SLIT3: variants seen among roughly 807,000 people sequenced by gnomAD.
SLIT3 encodes slit homolog 3 protein.
A neutral mutation model predicts 184.0 loss-of-function variants in SLIT3; 68 were observed. That is an observed-to-expected ratio of 0.37 (90% CI 0.30 to 0.45). The LOEUF is 0.45. Ranked by LOEUF, SLIT3 falls within the 20% of genes least tolerant of loss-of-function variation. The probability of loss-of-function intolerance (pLI) is 1.00; values close to 1 mark genes in which losing one functional copy is unlikely to be tolerated. For missense variants in SLIT3, 1,707 were observed against 2,026.0 expected, an observed-to-expected ratio of 0.84 and a Z score of 3.02; for synonymous variants, 831 against 828.6, an observed-to-expected ratio of 1.00 and a Z score of -0.05.
rs377141607 is a variant in SLIT3 at position 168,776,835 on chromosome 5, AT to A, written c.1152-2458del. Among the ~76,000 whole-genome samples, 8 of 151,976 alleles carry A rather than the reference AT, an allele frequency of 5.3e-5. No homozygotes were observed. In the South Asian group the frequency reaches 1.0e-3, roughly 20 times the overall value. On this transcript the variant is annotated intron_variant, in intron 12 of 35. Transcript: ENST00000519560. The stretch of plus-strand genomic sequence containing the variant: ...GACCCTTCACACACACAGTGTTTTG[AT>A]TTTTTTTAAAGTACACACATGGTGA...
intron 12 of SLIT3, among the ~76,000 whole-genome samples, chr5:168,777,659 A>G (rs746988588): frequency 1.2e-4 from 18 of 152,234 alleles, no homozygotes; most frequent in Non-Finnish European, 2.4e-4. Flanking sequence ...AGCAAAAGAA[A>G]ACACAAAAGG....
rs1157475343 is a variant in SLIT3 at position 168,785,889 on chromosome 5, G to A, written c.1151+18C>T. 6.3e-7 allele frequency: 1 copy of A among 1,594,788 alleles called. No homozygotes were observed. The highest frequency in any genetic ancestry group is 8.6e-7 in the Non-Finnish European group (1 of 1,162,752). Reference sequence around the variant, plus strand: ...CGACAGTACCAAAGACACCAACAGTGACAAAGTTCCTACTCACAGCAGCTG... The same window carrying A: ...CGACAGTACCAAAGACACCAACAGTAACAAAGTTCCTACTCACAGCAGCTG... On this transcript the variant is annotated intron_variant, in intron 12 of 35. Coordinates refer to ENST00000519560, the MANE Select transcript of SLIT3 (RefSeq NM_003062.4).
chr5:168,869,407 T>C (rs1415494553), intron 5 of SLIT3, among the ~76,000 whole-genome samples: 2 of 152,180 alleles, frequency 1.3e-5, no homozygotes, highest in African/African-American at 4.8e-5. Context: ...TGGTAATCAC[T>C]AGGTTGTCAC....
At chr5:169,088,195 T>C (rs1352463377) in intron 4 of SLIT3, among the ~76,000 whole-genome samples, 1 of 152,182 alleles carries the variant, frequency 6.6e-6, no homozygotes, top group Non-Finnish European at 1.5e-5. Context: ...CAACTCTATC[T>C]CCTGCAGTGT....
intron 4 of SLIT3, among the ~76,000 whole-genome samples, chr5:169,079,812 G>A (rs1758929411): frequency 4.9e-5 from 1 of 20,502 alleles, no homozygotes; most frequent in Non-Finnish European, 1.2e-4. Flanking sequence ...GAGGGAAGGG[G>A]AAGAGGAGGA....
At chr5:168,696,730 A>G (rs895658373) in intron 27 of SLIT3, among the ~76,000 whole-genome samples, 3 of 152,164 alleles carry the variant, frequency 2.0e-5, no homozygotes, top group Non-Finnish European at 4.4e-5. Flanking sequence ...TCATTCCCCC[A>G]GCTGGAAGTG....
chr5:168,793,647 A>G (rs562308763), intron 10 of SLIT3, among the ~76,000 whole-genome samples: 28 of 152,374 alleles, frequency 1.8e-4, no homozygotes, highest in African/African-American at 6.5e-4. Context: ...ACAGTAAAAC[A>G]TAGTCAAGCT....
intron 4 of SLIT3, among the ~76,000 whole-genome samples, chr5:169,079,136 G>C (rs771777678): frequency 6.6e-6 from 1 of 152,140 alleles, no homozygotes; most frequent in Non-Finnish European, 1.5e-5. Context: ...TCATCCTGCC[G>C]TATCTCAAGG....
At chr5:168,969,662 G>C (rs977481186) in intron 4 of SLIT3, among the ~76,000 whole-genome samples, 1 of 152,174 alleles carries the variant, frequency 6.6e-6, no homozygotes, top group Non-Finnish European at 1.5e-5. Flanking sequence ...GACAGGTTAG[G>C]AGCTGACAGC....
intron 4 of SLIT3, among the ~76,000 whole-genome samples, chr5:168,886,751 G>A (rs1457273370): frequency 6.6e-6 from 1 of 152,150 alleles, no homozygotes; most frequent in East Asian, 1.9e-4. Context: ...CTTGGTTGGG[G>A]AGTAGGGCTA....
At chr5:169,061,470 C>T (rs1244480481) in intron 4 of SLIT3, among the ~76,000 whole-genome samples, 2 of 152,212 alleles carry the variant, frequency 1.3e-5, no homozygotes, top group Admixed American at 1.3e-4. Context: ...CCAATAGCTG[C>T]CCCTCGGCTC....
intron 3 of SLIT3, among the ~76,000 whole-genome samples, chr5:169,228,062 T>C (rs750446099): frequency 6.6e-6 from 1 of 152,254 alleles, no homozygotes; most frequent in Non-Finnish European, 1.5e-5. Context: ...GAAATGACTA[T>C]GATGGCCCTA....
At chr5:168,709,101 G>GTT (rs564920985) in intron 25 of SLIT3, among the ~76,000 whole-genome samples, 101 of 126,976 alleles carry the variant, frequency 8.0e-4, no homozygotes, top group Admixed American at 2.1e-3. Context: ...TTTTCTGTTT[G>GTT]TTTTTTTTTT....
At chr5:169,014,585 G>T (rs898045503) in intron 4 of SLIT3, among the ~76,000 whole-genome samples, 1 of 152,200 alleles carries the variant, frequency 6.6e-6, no homozygotes, top group African/African-American at 2.4e-5. Context: ...AGTGCCTTTT[G>T]CACACAGGAA....
At chr5:168,955,784 G>C (rs1280791785) in intron 4 of SLIT3, among the ~76,000 whole-genome samples, 1 of 152,220 alleles carries the variant, frequency 6.6e-6, no homozygotes, top group Non-Finnish European at 1.5e-5. Context: ...GCCCCACAGA[G>C]TACCCACAGG....
chr5:169,249,285 A>G (rs1765696190), intron 2 of SLIT3, among the ~76,000 whole-genome samples: 1 of 152,152 alleles, frequency 6.6e-6, no homozygotes, highest in African/African-American at 2.4e-5. Context: ...AGAGTATATT[A>G]ATAGTCTACT....
intron 4 of SLIT3, among the ~76,000 whole-genome samples, chr5:169,117,980 A>G (rs915561296): frequency 1.3e-5 from 2 of 152,176 alleles, no homozygotes; most frequent in Non-Finnish European, 2.9e-5. Flanking sequence ...TGGTTGTCAC[A>G]TTCTATGATG....
At chr5:169,055,732 T>A (rs1292514180) in intron 4 of SLIT3, among the ~76,000 whole-genome samples, 1 of 151,326 alleles carries the variant, frequency 6.6e-6, no homozygotes, top group East Asian at 2.0e-4. Flanking sequence ...CTCGGGAGGC[T>A]GAGGCAGAGA....
At chr5:168,761,815 T>C (rs1439540908) in intron 15 of SLIT3, among the ~76,000 whole-genome samples, 1 of 152,004 alleles carries the variant, frequency 6.6e-6, no homozygotes, top group African/African-American at 2.4e-5. Flanking sequence ...CATAGCTCAC[T>C]GCAGCCTTGA....
Sources: gnomAD v4.1 joint callset for allele counts (sites outside exome capture counted in the v4.1 genomes callset) on GRCh38, gnomAD v4.1.1 for gene constraint, MANE v1.5 for transcripts, NCBI Gene and HGNC (gene_info 2026-07-23, HGNC 2026-07-21) for gene names.